Variants in PRKG1 observed in about 807,000 individuals in gnomAD.
PRKG1 encodes the protein protein kinase cGMP-dependent 1.
A neutral mutation model predicts 88.1 loss-of-function variants in PRKG1; 35 were observed. The ratio of observed to expected loss-of-function variants is 0.40; its 90% CI spans 0.30 to 0.53. PRKG1 has a LOEUF of 0.53. PRKG1 is among the 20% of genes least tolerant of loss of function. The probability of loss-of-function intolerance (pLI) is 0.59; values close to 1 mark genes in which losing one functional copy is unlikely to be tolerated. For missense variants in PRKG1, 540 were observed against 839.8 expected (o/e 0.64, Z 4.41); for synonymous variants, 303 against 292.5 (o/e 1.04, Z -0.37).
At chr10:51,839,752 G>C (rs900747255) in intron 4 of PRKG1, among the ~76,000 whole-genome samples, 4 of 152,116 alleles carry the variant, frequency 2.6e-5, no homozygotes, top group African/African-American at 9.7e-5. Flanking sequence ...TCGTTCTTTA[G>C]GTGAAGTAAC....
intron 2 of PRKG1, among the ~76,000 whole-genome samples, chr10:51,455,883 G>T (rs561076004): frequency 4.6e-4 from 70 of 152,272 alleles, no homozygotes; most frequent in Non-Finnish European, 9.1e-4. Flanking sequence ...CCTGAAAGCT[G>T]TTCCAACCTC....
At chr10:51,631,505 A>T (rs1462380653) in intron 3 of PRKG1, among the ~76,000 whole-genome samples, 1 of 152,202 alleles carries the variant, frequency 6.6e-6, no homozygotes, top group Non-Finnish European at 1.5e-5. Flanking sequence ...CTTAATTGTC[A>T]CTTACCATTC....
chr10:51,691,573 C>A (rs1230078470), intron 3 of PRKG1, among the ~76,000 whole-genome samples: 1 of 152,166 alleles, frequency 6.6e-6, no homozygotes, highest in Non-Finnish European at 1.5e-5. Context: ...GCCTTGGGCT[C>A]CCAAACAGCT....
At chr10:51,719,299 G>A (rs73343363) in intron 3 of PRKG1, among the ~76,000 whole-genome samples, 6,402 of 152,190 alleles carry the variant, frequency 0.042, 431 homozygotes, top group African/African-American at 0.14. Flanking sequence ...AAGAGAAAAA[G>A]CAGTAACTTT....
intron 4 of PRKG1, among the ~76,000 whole-genome samples, chr10:51,868,337 T>A: frequency 6.6e-6 from 1 of 151,842 alleles, no homozygotes; most frequent in East Asian, 1.9e-4. Flanking sequence ...TGGCTGGAGG[T>A]GGGGGAAAAT....
At chr10:51,067,270 GTATATATA>G (rs10612353) in intron 1 of PRKG1, among the ~76,000 whole-genome samples, 1 of 146,692 alleles carries the variant, frequency 6.8e-6, no homozygotes, top group Non-Finnish European at 1.5e-5. Context: ...ATGTATGTGT[GTATATATA>G]TATATATATA....
chr10:51,109,705 A>G (rs969817610), intron 1 of PRKG1, among the ~76,000 whole-genome samples: 1 of 152,112 alleles, frequency 6.6e-6, no homozygotes, highest in African/African-American at 2.4e-5. Context: ...GCAGGCAAAT[A>G]TTTCTTATGA....
intron 3 of PRKG1, among the ~76,000 whole-genome samples, chr10:51,550,735 G>T (rs973264369): frequency 6.6e-6 from 1 of 151,934 alleles, no homozygotes; most frequent in African/African-American, 2.4e-5. Context: ...TGAAGGTGAG[G>T]TAGCATAGGA....
intron 2 of PRKG1, among the ~76,000 whole-genome samples, chr10:51,341,326 A>G (rs989583670): frequency 1.3e-5 from 2 of 152,234 alleles, no homozygotes; most frequent in African/African-American, 4.8e-5. Flanking sequence ...AAAAGTCAAC[A>G]GGAAGTTATT....
intron 3 of PRKG1, among the ~76,000 whole-genome samples, chr10:51,514,136 T>G (rs1057062147): frequency 4.1e-5 from 6 of 145,180 alleles, no homozygotes; most frequent in African/African-American, 1.6e-4. Flanking sequence ...AAGAATCAAA[T>G]AGACACAATA....
intron 1 of PRKG1, among the ~76,000 whole-genome samples, chr10:51,098,123 A>G (rs1374677923): frequency 6.6e-6 from 1 of 152,146 alleles, no homozygotes; most frequent in East Asian, 1.9e-4. Flanking sequence ...ATCACTAATA[A>G]TACATGTCTG....
At chr10:51,545,980 C>T (rs1186307596) in intron 3 of PRKG1, among the ~76,000 whole-genome samples, 1 of 150,690 alleles carries the variant, frequency 6.6e-6, no homozygotes, top group South Asian at 2.1e-4. Context: ...ATAGAAGTTA[C>T]TTAATGAAGG....
At chr10:52,229,012 A>C (rs1840462087) in intron 9 of PRKG1, among the ~76,000 whole-genome samples, 1 of 152,238 alleles carries the variant, frequency 6.6e-6, no homozygotes, top group African/African-American at 2.4e-5. Context: ...CATAGCTAAT[A>C]AACTCACATG....
intron 3 of PRKG1, among the ~76,000 whole-genome samples, chr10:51,726,765 T>A (rs12221288): frequency 6.6e-6 from 1 of 152,142 alleles, no homozygotes; most frequent in East Asian, 1.9e-4. Context: ...TATGAAGTAG[T>A]CTGACATATT....
At chr10:51,923,742 T>G (rs2132985384) in intron 5 of PRKG1, among the ~76,000 whole-genome samples, 1 of 152,232 alleles carries the variant, frequency 6.6e-6, no homozygotes, top group South Asian at 2.1e-4. Flanking sequence ...ATTGTTACTC[T>G]TATTATTTTG....
chr10:51,317,038 G>A (rs1337609074), intron 2 of PRKG1, among the ~76,000 whole-genome samples: 18 of 152,178 alleles, frequency 1.2e-4, no homozygotes, highest in Admixed American at 1.2e-3. Flanking sequence ...AGGTAAGTTG[G>A]TAGGTATCTG....
intron 3 of PRKG1, among the ~76,000 whole-genome samples, chr10:51,687,392 A>C (rs1295432055): frequency 6.6e-6 from 1 of 152,178 alleles, no homozygotes; most frequent in African/African-American, 2.4e-5. Context: ...TGAGGTTTGA[A>C]AAATTGTTAG....
chr10:51,649,398 T>G (rs1210739176), intron 3 of PRKG1, among the ~76,000 whole-genome samples: 1 of 152,138 alleles, frequency 6.6e-6, no homozygotes, highest in African/African-American at 2.4e-5. Flanking sequence ...TTTTTTTTTC[T>G]TCTGAGAGTG....
At chr10:51,668,519 C>A (rs1840478098) in intron 3 of PRKG1, among the ~76,000 whole-genome samples, 1 of 152,140 alleles carries the variant, frequency 6.6e-6, no homozygotes, top group African/African-American at 2.4e-5. Flanking sequence ...GTGATCTGCC[C>A]ACCACTGTGG....
Sources: allele counts gnomAD v4.1 joint callset (sites outside exome capture counted in the v4.1 genomes callset), GRCh38; gene constraint gnomAD v4.1.1; transcripts MANE v1.5; gene names NCBI Gene and HGNC (gene_info 2026-07-23, HGNC 2026-07-21).